ELOVL5: variants seen among roughly 807,000 people sequenced by gnomAD.
ELOVL5 encodes very long chain fatty acid elongase 5.
ELOVL5 carries 8 observed loss-of-function variants against 38.6 expected under a neutral mutation model. The ratio of observed to expected loss-of-function variants is 0.21; its 90% confidence interval spans 0.12 to 0.37. ELOVL5 has a LOEUF of 0.37. ELOVL5 is among the 10% of genes least tolerant of loss of function. The pLI is 1.00. For missense variants in ELOVL5, 280 were observed against 367.8 expected (o/e 0.76, Z 1.95); for synonymous variants, 127 against 133.7 (o/e 0.95, Z 0.34).
intron 1 of ELOVL5, among the ~76,000 whole-genome samples, chr6:53,326,708 C>T (rs1467386036): frequency 6.6e-6 from 1 of 152,164 alleles, no homozygotes; most frequent in African/African-American, 2.4e-5. Context: ...GTCCTTGAGG[C>T]GTTATGTATC....
At chr6:53,277,829 G>C (rs1766199021) in intron 3 of ELOVL5, 1 of 152,234 alleles carries the variant, frequency 6.6e-6, no homozygotes, top group African/African-American at 2.4e-5. Context: ...ACCTGGGGTG[G>C]AGAGGGAAGG....
intron 1 of ELOVL5, among the ~76,000 whole-genome samples, chr6:53,342,315 G>T (rs1159978633): frequency 6.6e-6 from 1 of 152,164 alleles, no homozygotes; most frequent in Non-Finnish European, 1.5e-5. Flanking sequence ...ACTGAATTTG[G>T]TATCATGAGA....
intron 1 of ELOVL5, among the ~76,000 whole-genome samples, chr6:53,347,632 C>T (rs1769613401): frequency 6.6e-6 from 1 of 152,180 alleles, no homozygotes; most frequent in South Asian, 2.1e-4. Flanking sequence ...ACAAATTAGG[C>T]TGCTCGCTCC....
At chr6:53,336,398 A>G (rs1157114182) in intron 1 of ELOVL5, among the ~76,000 whole-genome samples, 1 of 152,222 alleles carries the variant, frequency 6.6e-6, no homozygotes, top group African/African-American at 2.4e-5. Flanking sequence ...AATGGCTCAC[A>G]CCTGTAATCT....
chr6:53,272,383 T>C (rs1265806240), intron 6 of ELOVL5, among the ~76,000 whole-genome samples: 1 of 152,064 alleles, frequency 6.6e-6, no homozygotes, highest in African/African-American at 2.4e-5. Flanking sequence ...GTGATCCTCC[T>C]GCCTCGACCT....
intron 1 of ELOVL5, among the ~76,000 whole-genome samples, chr6:53,301,469 T>C (rs1335194847): frequency 6.6e-6 from 1 of 152,176 alleles, no homozygotes; most frequent in Non-Finnish European, 1.5e-5. Flanking sequence ...TGGACAGGGC[T>C]GGGAGTGGCC....
rs1180196292 is a variant in ELOVL5 at position 53,268,427 on chromosome 6, CT to C, written c.*699del. The C allele has an allele frequency of 3.3e-5, 5 of 151,860 alleles. No individual in the cohort carries two copies. In the East Asian group the frequency reaches 9.6e-4, roughly 29 times the overall value. The allele number at this position is 151,860 out of a possible 1,614,324, so 9.4% of individuals were successfully genotyped here. On this transcript the variant is annotated 3_prime_UTR_variant, in exon 8 of 8. Transcript: ENST00000304434. ...ATCACGACTGCTGTAGAGCCCCCCC[CT>C]TTTTACATTAATAGTGGCACTCAAA...
intron 7 of ELOVL5, among the ~76,000 whole-genome samples, chr6:53,270,356 T>G (rs565089276): frequency 1.3e-5 from 2 of 152,266 alleles, no homozygotes; most frequent in South Asian, 4.1e-4. Context: ...GCTGCACAGT[T>G]TTCCATTTCC....
At chr6:53,314,351 C>T (rs966889148) in intron 1 of ELOVL5, among the ~76,000 whole-genome samples, 5 of 152,102 alleles carry the variant, frequency 3.3e-5, no homozygotes, top group Non-Finnish European at 7.4e-5. Context: ...TAGGTGCCCA[C>T]CTACAGCCAG....
At chr6:53,335,589 A>G (rs1769025853) in intron 1 of ELOVL5, among the ~76,000 whole-genome samples, 1 of 151,976 alleles carries the variant, frequency 6.6e-6, no homozygotes, top group Admixed American at 6.6e-5. Flanking sequence ...CACTGTAAGT[A>G]TCTGTTTATT....
chr6:53,317,392 C>G (rs1003096569), intron 1 of ELOVL5, among the ~76,000 whole-genome samples: 8 of 152,166 alleles, frequency 5.3e-5, no homozygotes, highest in African/African-American at 1.9e-4. Context: ...CTGGAACCAA[C>G]CCAAATGTCC....
At chr6:53,281,575 T>C (rs908576580) in intron 3 of ELOVL5, among the ~76,000 whole-genome samples, 1 of 152,240 alleles carries the variant, frequency 6.6e-6, no homozygotes, top group Non-Finnish European at 1.5e-5. Flanking sequence ...ACTCTGTCCA[T>C]GAAGAATTCT....
In ELOVL5 at chr6:53,329,476, T is replaced by C. The variant is rs151249836; in HGVS notation, c.-9+19341A>G. 3.9e-3 allele frequency among the ~76,000 whole-genome samples: 597 copies of C among 152,288 alleles called. 5 individuals are homozygous for C. Among genetic ancestry groups the C allele is most frequent in the African/African-American group, 0.014 (577 of 41,558 alleles). On this transcript the variant is annotated intron_variant, in intron 1 of 7. Transcript: ENST00000304434. ...GTAACATTTAATAGCGCAAATCTTA[T>C]CTTTTTTTCCTTTTGCTTTTTTAAA...
At chr6:53,332,849 C>T (rs981100742) in intron 1 of ELOVL5, among the ~76,000 whole-genome samples, 1 of 152,144 alleles carries the variant, frequency 6.6e-6, no homozygotes, top group African/African-American at 2.4e-5. Context: ...TACAAAAACA[C>T]GAAAGCCACC....
intron 3 of ELOVL5, among the ~76,000 whole-genome samples, chr6:53,290,723 C>A (rs189173731): frequency 6.7e-4 from 102 of 152,200 alleles, no homozygotes; most frequent in Middle Eastern, 3.4e-3. Flanking sequence ...ATCAAATATG[C>A]CTGCACACGC....
In ELOVL5 at chr6:53,291,843, G is replaced by A; in HGVS notation, c.179C>T (p.Ser60Phe). Residue 60 changes from serine (S) to phenylalanine (F), a missense_variant, in exon 3 of 8, where the codon TCT (serine) becomes TTT (phenylalanine). Around this residue, in one of 3 missense-constraint regions of ELOVL5, gnomAD observed 150 missense variants for 178.0 expected, o/e 0.84. Transcript: ENST00000304434. ...PKYMRNKQPF[S>F]CRGILVVYNL... ...ATACACCACTAAAATCCCCCGGCAAGAGAATGGCTGTTTATTCCTCATGTA... is the reference window on the plus strand; with the variant it reads ...ATACACCACTAAAATCCCCCGGCAAAAGAATGGCTGTTTATTCCTCATGTA... The A allele has an allele frequency of 1.2e-6, 2 of 1,613,956 alleles. No homozygotes were observed. The highest frequency in any genetic ancestry group is 2.2e-5 in the East Asian group (1 of 44,866).
rs1209426677 is a variant in ELOVL5 at position 53,291,797 on chromosome 6, C to T, written c.225G>A (p.Leu75=). The change falls in exon 3 of 8, where the codon CTG becomes CTA. Residue 75 remains leucine, a synonymous_variant. Transcript: ENST00000304434. ...TTACCTCACAGAACATATACAGAGA[C>T]AGCAGTGTGAGTCCAAGGTTATACA... ...LVVYNLGLTL[L]SLYMFCELVT... 7 of 1,612,374 alleles carry T rather than the reference C, an allele frequency of 4.3e-6. No homozygotes were observed. The highest frequency in any genetic ancestry group is 5.9e-6 in the Non-Finnish European group (7 of 1,179,348).
intron 3 of ELOVL5, among the ~76,000 whole-genome samples, chr6:53,286,522 G>A (rs1437404651): frequency 1.3e-5 from 2 of 152,108 alleles, no homozygotes; most frequent in East Asian, 3.9e-4. Context: ...AGGTATGATT[G>A]TGCCACTGAA....
intron 3 of ELOVL5, 60 bp downstream of exon 3, chr6:53,291,716 T>G: frequency 7.1e-7 from 1 of 1,408,832 alleles, no homozygotes; most frequent in Non-Finnish European, 9.6e-7. Flanking sequence ...GGAATACAAT[T>G]TAGGACAGCA....
Sources: gnomAD v4.1 joint callset for allele counts (sites outside exome capture counted in the v4.1 genomes callset) on GRCh38, gnomAD v4.1.1 for gene constraint, gnomAD v4.1.1 regional missense constraint, MANE v1.5 for transcripts, NCBI Gene and HGNC (gene_info 2026-07-23, HGNC 2026-07-21) for gene names.